The following RBFOX1 variants were observed in gnomAD, a reference collection of about 807,000 sequenced individuals.
The protein encoded by RBFOX1 is RNA binding protein fox-1 homolog 1.
RBFOX1 carries 8 observed loss-of-function variants against 57.7 expected under a neutral mutation model. The observed-to-expected ratio is 0.14, with a 90% CI of 0.08 to 0.25. RBFOX1 has a LOEUF of 0.25. Among genes scored for constraint, RBFOX1 ranks in the 10% least tolerant of loss-of-function variants. The pLI, the probability that RBFOX1 is intolerant of heterozygous loss-of-function variation, is 1.00. For synonymous variants in RBFOX1, 326 were observed against 222.4 expected, an observed-to-expected ratio of 1.47 and a Z score of -4.15; for missense variants, 611 against 548.5, an observed-to-expected ratio of 1.11 and a Z score of -1.14.
At chr16:5,841,169 C>G (rs957488356) in intron 3 of RBFOX1, among the ~76,000 whole-genome samples, 31 of 152,156 alleles carry the variant, frequency 2.0e-4, no homozygotes, top group African/African-American at 7.5e-4. Flanking sequence ...GGAATCATCT[C>G]CAACACTATA....
intron 1 of RBFOX1, among the ~76,000 whole-genome samples, chr16:6,153,924 T>C (rs1171938173): frequency 1.3e-5 from 2 of 152,186 alleles, no homozygotes; most frequent in African/African-American, 2.4e-5. Flanking sequence ...ATTCCTGAGG[T>C]AAGGTGACCT....
intron 4 of RBFOX1, among the ~76,000 whole-genome samples, chr16:7,319,608 C>T (rs896935662): frequency 1.3e-5 from 2 of 152,094 alleles, no homozygotes; most frequent in African/African-American, 2.4e-5. Flanking sequence ...TTTTCCTGGG[C>T]CTCAGAAGAG....
At chr16:7,486,076 C>A (rs2065285493) in intron 4 of RBFOX1, among the ~76,000 whole-genome samples, 1 of 149,460 alleles carries the variant, frequency 6.7e-6, no homozygotes, top group South Asian at 2.1e-4. Context: ...GGTGTGTTTG[C>A]AACTTCACTG....
At chr16:7,557,110 T>C (rs7404422) in intron 5 of RBFOX1, among the ~76,000 whole-genome samples, 78,738 of 151,840 alleles carry the variant, frequency 0.52, 21,123 homozygotes, top group East Asian at 0.82. Flanking sequence ...GCGAGTATTA[T>C]AAACCCATTT....
intron 4 of RBFOX1, among the ~76,000 whole-genome samples, chr16:7,310,207 C>T (rs925868544): frequency 6.6e-6 from 1 of 152,326 alleles, no homozygotes; most frequent in South Asian, 2.1e-4. Flanking sequence ...TGCTGGGAGA[C>T]AGAGCTGGCC....
intron 4 of RBFOX1, among the ~76,000 whole-genome samples, chr16:7,163,549 T>G (rs140177388): frequency 2.0e-5 from 3 of 152,292 alleles, no homozygotes; most frequent in African/African-American, 7.2e-5. Flanking sequence ...CTCCCTCTTC[T>G]TCCACCTAGA....
intron 4 of RBFOX1, among the ~76,000 whole-genome samples, chr16:7,164,034 T>C (rs1433033011): frequency 1.3e-5 from 2 of 152,140 alleles, no homozygotes; most frequent in Admixed American, 1.3e-4. Flanking sequence ...AGTTCTTTAG[T>C]GGTGATTTCT....
intron 3 of RBFOX1, among the ~76,000 whole-genome samples, chr16:6,944,771 T>A (rs1240798648): frequency 6.6e-6 from 1 of 152,176 alleles, no homozygotes; most frequent in Admixed American, 6.5e-5. Flanking sequence ...TACCCTCATA[T>A]GGGTGTATCT....
intron 4 of RBFOX1, among the ~76,000 whole-genome samples, chr16:7,490,384 A>C (rs369119216): frequency 2.0e-5 from 3 of 152,160 alleles, no homozygotes; most frequent in Admixed American, 6.5e-5. Context: ...CAGAATCTCT[A>C]CTGGAGCTTG....
intron 4 of RBFOX1, among the ~76,000 whole-genome samples, chr16:7,452,835 T>C (rs2057641919): frequency 6.6e-6 from 1 of 152,048 alleles, no homozygotes. Flanking sequence ...AAATGTAAAA[T>C]TGCAGTAGTG....
intron 1 of RBFOX1, among the ~76,000 whole-genome samples, chr16:5,332,998 C>A (rs1023047492): frequency 6.6e-6 from 1 of 151,906 alleles, no homozygotes; most frequent in Non-Finnish European, 1.5e-5. Flanking sequence ...CCAGCCTGAC[C>A]AATGTGGTGA....
intron 5 of RBFOX1, among the ~76,000 whole-genome samples, chr16:7,575,325 G>T (rs977498392): frequency 6.6e-6 from 1 of 152,076 alleles, no homozygotes; most frequent in Non-Finnish European, 1.5e-5. Context: ...AGTAGAGACG[G>T]GGTTTCACCA....
At chr16:7,278,879 C>T (rs1052271352) in intron 4 of RBFOX1, among the ~76,000 whole-genome samples, 3 of 152,158 alleles carry the variant, frequency 2.0e-5, no homozygotes, top group Admixed American at 6.6e-5. Flanking sequence ...TTTATCTTGT[C>T]GAAAGGGAAT....
intron 1 of RBFOX1, among the ~76,000 whole-genome samples, chr16:5,411,378 A>G (rs755010118): frequency 2.6e-5 from 4 of 152,092 alleles, no homozygotes; most frequent in African/African-American, 7.2e-5. Flanking sequence ...TTGGCTGGAG[A>G]TGGAGGAAGG....
At chr16:7,399,893 T>A (rs4787011) in intron 4 of RBFOX1, among the ~76,000 whole-genome samples, 137,026 of 152,256 alleles carry the variant, frequency 0.9, 61,738 homozygotes, top group South Asian at 0.95. Context: ...AAACAGTTCA[T>A]TTTAACTTAG....
intron 4 of RBFOX1, among the ~76,000 whole-genome samples, chr16:7,153,565 C>T (rs1466338027): frequency 6.6e-6 from 1 of 151,252 alleles, no homozygotes; most frequent in African/African-American, 2.4e-5. Context: ...GAAACCCCAT[C>T]TCTACTGAAA....
At chr16:7,215,106 C>T (rs537868740) in intron 4 of RBFOX1, among the ~76,000 whole-genome samples, 34 of 152,218 alleles carry the variant, frequency 2.2e-4, no homozygotes, top group Admixed American at 1.6e-3. Context: ...CGCCTCCCTA[C>T]GTCCATGTGT....
chr16:7,031,218 G>A (rs1276093954), intron 3 of RBFOX1, among the ~76,000 whole-genome samples: 1 of 152,146 alleles, frequency 6.6e-6, no homozygotes, highest in African/African-American at 2.4e-5. Context: ...TTGGCTGCCT[G>A]GCCTGGAATC....
chr16:7,507,194 T>C (rs951414475), intron 4 of RBFOX1, among the ~76,000 whole-genome samples: 29 of 152,250 alleles, frequency 1.9e-4, no homozygotes, highest in African/African-American at 7.0e-4. Context: ...AGAAATTACC[T>C]GGCCTATCAT....
Sources: allele counts gnomAD v4.1 joint callset (sites outside exome capture counted in the v4.1 genomes callset), GRCh38; gene constraint gnomAD v4.1.1; transcripts MANE v1.5; gene names NCBI Gene and HGNC (gene_info 2026-07-23, HGNC 2026-07-21).